PKHD1: variants seen among roughly 807,000 people sequenced by gnomAD.
PKHD1 encodes fibrocystin.
A neutral mutation model predicts 412.0 loss-of-function variants in PKHD1; 291 were observed. That is an observed-to-expected ratio of 0.71 (90% CI 0.64 to 0.78). The LOEUF (loss-of-function observed/expected upper bound fraction) is 0.78. Among genes scored for constraint, PKHD1 ranks in the 30% least tolerant of loss-of-function variants. The pLI is 0.00. For missense variants in PKHD1, 4,825 were observed against 4,950.7 expected (o/e 0.97, Z 0.76); for synonymous variants, 1,777 against 1,821.5 (o/e 0.98, Z 0.62).
At chr6:51,832,849 A>G (rs2151524236) in intron 51 of PKHD1, among the ~76,000 whole-genome samples, 1 of 152,262 alleles carries the variant, frequency 6.6e-6, no homozygotes, top group Admixed American at 6.6e-5. Flanking sequence ...GATAACCTAA[A>G]AGTATATAGA....
chr6:51,881,469 C>T (rs569387831), intron 46 of PKHD1, among the ~76,000 whole-genome samples: 17 of 152,198 alleles, frequency 1.1e-4, no homozygotes, highest in African/African-American at 2.4e-4. Context: ...ATAGAGGGTA[C>T]GGTAAACAGC....
chr6:51,992,772 A>C (rs1383827305), intron 35 of PKHD1, among the ~76,000 whole-genome samples: 1 of 152,238 alleles, frequency 6.6e-6, no homozygotes, highest in Non-Finnish European at 1.5e-5. Context: ...TATCAGACAC[A>C]TTAATAAATT....
intron 35 of PKHD1, among the ~76,000 whole-genome samples, chr6:51,967,771 T>C (rs1793048590): frequency 6.6e-6 from 1 of 152,126 alleles, no homozygotes; most frequent in Admixed American, 6.5e-5. Context: ...GCTAGCCTTT[T>C]TCACAAGCTA....
At chr6:52,083,587 C>T (rs1325073345) in intron 2 of PKHD1, among the ~76,000 whole-genome samples, 4 of 152,092 alleles carry the variant, frequency 2.6e-5, no homozygotes. Context: ...TTGGAAAGAG[C>T]CTCAAGGACA....
At chr6:51,668,129 C>T (rs1178756389) in intron 60 of PKHD1, among the ~76,000 whole-genome samples, 4 of 152,094 alleles carry the variant, frequency 2.6e-5, no homozygotes, top group Non-Finnish European at 5.9e-5. Flanking sequence ...CTGTAAATTA[C>T]CTTGTGCAGT....
intron 48 of PKHD1, among the ~76,000 whole-genome samples, chr6:51,856,796 T>C (rs1227410243): frequency 6.6e-6 from 1 of 152,200 alleles, no homozygotes; most frequent in Non-Finnish European, 1.5e-5. Flanking sequence ...ATAAGATCCC[T>C]AAGTTAGAGG....
At chr6:51,912,716 G>A (rs945346881) in intron 37 of PKHD1, 140 bp from the exon 38 acceptor site, 26 of 679,172 alleles carry the variant, frequency 3.8e-5, no homozygotes, top group Admixed American at 7.3e-5. Flanking sequence ...TTCAGGATAG[G>A]TAAGCACTAA....
At chr6:51,755,705 T>C (rs1056234270) in intron 55 of PKHD1, among the ~76,000 whole-genome samples, 4 of 152,190 alleles carry the variant, frequency 2.6e-5, no homozygotes, top group Non-Finnish European at 5.9e-5. Flanking sequence ...GCCTGCTTCA[T>C]TAGCTAATGC....
At chr6:51,932,580 A>G (rs1040104826) in intron 37 of PKHD1, among the ~76,000 whole-genome samples, 5 of 152,228 alleles carry the variant, frequency 3.3e-5, no homozygotes, top group African/African-American at 1.2e-4. Context: ...ATTGAGCTAG[A>G]GCAAACATTT....
intron 37 of PKHD1, among the ~76,000 whole-genome samples, chr6:51,920,713 G>A (rs891991809): frequency 1.1e-4 from 16 of 152,184 alleles, no homozygotes; most frequent in African/African-American, 3.9e-4. Flanking sequence ...GCTGCTCTTT[G>A]TACCTCTGGT....
Position 52,026,093 on chromosome 6 carries a change from A to G in PKHD1, c.3717T>C (p.Ile1239=). The part of the protein sequence containing the change: ...WVLVGNRSCD[I]VNLTEASIWC... ...AGATGCTCGCCTCCGTTAAGTTCACAATGTCACAGGACCGATTGCCCACAA... is the reference window on the plus strand; with the variant it reads ...AGATGCTCGCCTCCGTTAAGTTCACGATGTCACAGGACCGATTGCCCACAA... Residue 1239 remains isoleucine, a synonymous_variant, in exon 32 of 67, where the codon ATT becomes ATC. Coordinates refer to ENST00000371117, the MANE Select transcript of PKHD1 (RefSeq NM_138694.4). 6.2e-7 allele frequency: 1 copy of G among 1,614,182 alleles called. No individual in the cohort carries two copies. The highest frequency in any genetic ancestry group is 1.3e-5 in the African/African-American group (1 of 75,044).
chr6:51,814,016 T>A (rs1765081382), intron 52 of PKHD1, among the ~76,000 whole-genome samples: 1 of 152,164 alleles, frequency 6.6e-6, no homozygotes, highest in African/African-American at 2.4e-5. Flanking sequence ...ACTTAATGTA[T>A]AAAAGCTGTG....
chr6:51,722,663 T>C (rs779207109), intron 60 of PKHD1, among the ~76,000 whole-genome samples: 6 of 152,240 alleles, frequency 3.9e-5, no homozygotes, highest in Non-Finnish European at 2.9e-5. Context: ...ATAATCAATA[T>C]ATATTGGTTA....
chr6:51,743,876 T>A (rs1784869125), intron 60 of PKHD1, among the ~76,000 whole-genome samples: 1 of 152,168 alleles, frequency 6.6e-6, no homozygotes, highest in Admixed American at 6.5e-5. Context: ...TTTGTTTGCA[T>A]AAGCAAGAAG....
In PKHD1 at chr6:51,746,757, T is replaced by A; in HGVS notation, c.9962A>T (p.Asp3321Val). ...AERTRMLKIK[D>V]KNKFYFPSLQ... ...TGAAGGAAAGTAGAACTTGTTTTTATCTTTTATCTTTAGCATCCTGGTCCT... is the reference window on the plus strand; with the variant it reads ...TGAAGGAAAGTAGAACTTGTTTTTAACTTTTATCTTTAGCATCCTGGTCCT... The change falls in exon 59 of 67, where the codon GAT becomes GTT. Residue 3321 changes from aspartate (D) to valine (V), a missense_variant. Transcript: ENST00000371117. 6.2e-7 allele frequency: 1 copy of A among 1,610,490 alleles called. No homozygotes were observed. Among genetic ancestry groups the A allele is most frequent in the Non-Finnish European group, 8.5e-7 (1 of 1,176,860 alleles).
At chr6:51,625,087 C>T (rs1767070884) in intron 66 of PKHD1, among the ~76,000 whole-genome samples, 1 of 152,090 alleles carries the variant, frequency 6.6e-6, no homozygotes, top group Non-Finnish European at 1.5e-5. Context: ...TTTCTAGCAC[C>T]CTGACCGTAC....
intron 64 of PKHD1, among the ~76,000 whole-genome samples, chr6:51,638,245 T>G (rs1414507): frequency 6.6e-6 from 1 of 152,186 alleles, no homozygotes; most frequent in Admixed American, 6.5e-5. Context: ...ATCTCCCAAA[T>G]GCTCTTTTAA....
intron 36 of PKHD1, among the ~76,000 whole-genome samples, chr6:51,940,668 G>A (rs190530462): frequency 3.7e-4 from 56 of 151,768 alleles, no homozygotes; most frequent in African/African-American, 1.1e-3. Flanking sequence ...GATACTGCCC[G>A]ATTGCCTCGG....
chr6:52,024,672 T>A lies in PKHD1; in HGVS notation c.5138A>T (p.Glu1713Val). 1 of 1,614,090 alleles carries A rather than the reference T, an allele frequency of 6.2e-7. No individual in the cohort carries two copies. Among genetic ancestry groups the A allele is most frequent in the Non-Finnish European group, 8.5e-7 (1 of 1,179,994 alleles). Residue 1713 changes from glutamate (E) to valine (V), a missense_variant, in exon 32 of 67, where the codon GAG (glutamate) becomes GTG (valine). Transcript: ENST00000371117. The part of the protein sequence containing the change: ...QCVVPSLPAG[E>V]YHVRGYDCIR... ...GCAGTCATAGCCTCTGACGTGGTACTCCCCGGCCGGAAGGGAAGGGACCAC... is the reference window on the plus strand; with the variant it reads ...GCAGTCATAGCCTCTGACGTGGTACACCCCGGCCGGAAGGGAAGGGACCAC...
Sources: allele counts gnomAD v4.1 joint callset (sites outside exome capture counted in the v4.1 genomes callset), GRCh38; gene constraint gnomAD v4.1.1; transcripts MANE v1.5; gene names NCBI Gene and HGNC (gene_info 2026-07-23, HGNC 2026-07-21).